Variants in SLC28A1 observed in about 807,000 individuals in gnomAD.
The protein encoded by SLC28A1 is sodium/nucleoside cotransporter 1.
SLC28A1 carries 64 observed loss-of-function variants against 74.8 expected under a neutral mutation model. The ratio of observed to expected loss-of-function variants is 0.86; its 90% confidence interval spans 0.70 to 1.05. SLC28A1 has a LOEUF of 1.05. Among genes scored for constraint, SLC28A1 ranks in the 50% least tolerant of loss-of-function variants. The pLI is 0.00. For missense variants in SLC28A1, 828 were observed against 822.8 expected, an observed-to-expected ratio of 1.01 and a Z score of -0.08; for synonymous variants, 359 against 335.0, an observed-to-expected ratio of 1.07 and a Z score of -0.78.
At chr15:84,953,366 C>T in the SLC28A1 span, among the ~76,000 whole-genome samples, 5 of 152,198 alleles carry the variant, frequency 3.3e-5, no homozygotes, top group African/African-American at 4.8e-5. Context: ...AAGTTCATGT[C>T]AAGAGCTCTC....
Position 84,905,550 on chromosome 15 carries a change from G to C in SLC28A1, c.615G>C (p.Arg205Ser). 1 of 1,612,528 alleles carries C rather than the reference G, an allele frequency of 6.2e-7. No individual in the cohort carries two copies. Among genetic ancestry groups the C allele is most frequent in the Non-Finnish European group, 8.5e-7 (1 of 1,178,504 alleles). ...GGGTGGGGTGGTAGGTGTCCTGGAG[G>C]GCCGTGTCTTGGGGACTTGGACTGC... ...CSKHHCAVSWRAVSWGLGLQF... is the reference protein window; with the variant it reads ...CSKHHCAVSWSAVSWGLGLQF... The change falls in exon 8 of 19, where the codon AGG becomes AGC. Residue 205 changes from arginine to serine, a missense_variant. Around this residue, in one of 3 missense-constraint regions of SLC28A1, gnomAD observed 767 missense variants for 753.5 expected, o/e 1.02. Transcript: ENST00000394573.
downstream of SLC28A1, among the ~76,000 whole-genome samples, chr15:84,946,984 A>G (rs527846704): frequency 6.6e-6 from 1 of 152,234 alleles, no homozygotes; most frequent in South Asian, 2.1e-4. Context: ...GCTGGGGCTG[A>G]CCCTGACCTA....
At chr15:84,938,146 G>C (rs1424406347) in intron 15 of SLC28A1, among the ~76,000 whole-genome samples, 1 of 146,830 alleles carries the variant, frequency 6.8e-6, no homozygotes, top group African/African-American at 2.5e-5. Context: ...GTTGCAGTGA[G>C]CCAAGATTAC....
chr15:84,899,324 C>T (rs1360394980), intron 6 of SLC28A1, among the ~76,000 whole-genome samples: 4 of 151,670 alleles, frequency 2.6e-5, no homozygotes, highest in Non-Finnish European at 5.9e-5. Flanking sequence ...TTGAAGTCTC[C>T]AGAGGAGAAG....
intron 9 of SLC28A1, among the ~76,000 whole-genome samples, chr15:84,911,598 A>G (rs1247667047): frequency 1.3e-5 from 2 of 151,870 alleles, no homozygotes; most frequent in African/African-American, 4.8e-5. Context: ...GTGGTGGCTC[A>G]CGCCTGTAAT....
At chr15:84,919,570 G>A (rs1186097951) in intron 10 of SLC28A1, among the ~76,000 whole-genome samples, 5 of 152,304 alleles carry the variant, frequency 3.3e-5, no homozygotes, top group Admixed American at 1.3e-4. Flanking sequence ...TTCTTGCTGT[G>A]TCATAACATG....
In SLC28A1 at chr15:84,905,558, C is replaced by G. The variant is rs1689253089; in HGVS notation, c.623C>G (p.Ser208Cys). 4 of 1,613,524 alleles carry G rather than the reference C, an allele frequency of 2.5e-6. No individual in the cohort carries two copies. The highest frequency in any genetic ancestry group is 1.3e-5 in the African/African-American group (1 of 74,930). The change falls in exon 8 of 19, where the codon TCT becomes TGT. Residue 208 changes from serine (S) to cysteine (C), a missense_variant. This residue lies in a region of SLC28A1 where 767 missense variants were observed against 753.5 expected (regional missense o/e 1.02). Coordinates refer to ENST00000394573, the MANE Select transcript of SLC28A1 (RefSeq NM_004213.5). ...TGGTAGGTGTCCTGGAGGGCCGTGT[C>G]TTGGGGACTTGGACTGCAGTTTGTA... The part of the protein sequence containing the change: ...HHCAVSWRAV[S>C]WGLGLQFVLG...
chr15:84,966,193 T>G, the SLC28A1 span, among the ~76,000 whole-genome samples: 1 of 152,164 alleles, frequency 6.6e-6, no homozygotes, highest in Non-Finnish European at 1.5e-5. Flanking sequence ...TTCTTCTGCC[T>G]CAGCCTCCTG....
At chr15:84,961,642 AG>A in the SLC28A1 span, 1 of 371,852 alleles carries the variant, frequency 2.7e-6, no homozygotes, top group South Asian at 2.0e-5. Context: ...TGCCTGGCTG[AG>A]AGATAAATCT....
At chr15:84,892,480 G>A (rs886875452) in intron 5 of SLC28A1, among the ~76,000 whole-genome samples, 2 of 152,156 alleles carry the variant, frequency 1.3e-5, no homozygotes, top group Non-Finnish European at 2.9e-5. Flanking sequence ...TTCTCTTGAA[G>A]AACAATTGAA....
At chr15:84,910,749 A>T (rs937220059) in intron 9 of SLC28A1, among the ~76,000 whole-genome samples, 3 of 152,012 alleles carry the variant, frequency 2.0e-5, no homozygotes, top group African/African-American at 7.2e-5. Flanking sequence ...AACAAAACAA[A>T]ACAAAAACAC....
the SLC28A1 span, among the ~76,000 whole-genome samples, chr15:84,956,446 T>C: frequency 0.012 from 1,053 of 84,668 alleles, 6 homozygotes; most frequent in Non-Finnish European, 0.019. Context: ...TTCCTTCCTT[T>C]CTTTCTTTCT....
In SLC28A1 at chr15:84,920,994, C is replaced by T; in HGVS notation, c.882C>T (p.Ala294=). 6.2e-7 allele frequency: 1 copy of T among 1,613,608 alleles called. No individual in the cohort carries two copies. The highest frequency in any genetic ancestry group is 2.2e-5 in the East Asian group (1 of 44,882). ...GLMQWVILKI[A]WLMQVTMGTT... is the part of the protein sequence containing the mutation. ...AACATTCTGCTTCCTTCTAGATTGC[C>T]TGGCTGATGCAAGTCACCATGGGCA... Residue 294 remains alanine (A), a synonymous_variant, in exon 11 of 19, where the codon GCC becomes GCT. Transcript: ENST00000394573.
In SLC28A1 at chr15:84,888,861, G is replaced by T. The variant is rs1472052634; in HGVS notation, c.185+1G>T. 1 of 1,548,072 alleles carries T rather than the reference G, an allele frequency of 6.5e-7. No homozygotes were observed. The highest frequency in any genetic ancestry group is 8.7e-7 in the Non-Finnish European group (1 of 1,143,562). ...CGGCGCCGAAGCCCTTCTCCAGATGGTAGGTGATCTCTGGAGAGACAAGGG... is the reference window on the plus strand; with the variant it reads ...CGGCGCCGAAGCCCTTCTCCAGATGTTAGGTGATCTCTGGAGAGACAAGGG... On this transcript the variant is annotated splice_donor_variant, in intron 4 of 18. Transcript: ENST00000394573. LOFTEE classifies it high-confidence loss of function.
At chr15:84,965,779 C>T in the SLC28A1 span, among the ~76,000 whole-genome samples, 1 of 152,104 alleles carries the variant, frequency 6.6e-6, no homozygotes, top group Non-Finnish European at 1.5e-5. Context: ...GTCACATTCT[C>T]CATCCCTTCC....
At chr15:84,944,986 T>C (rs1387403697) in intron 18 of SLC28A1, 119 bp downstream of exon 18, 2 of 1,064,652 alleles carry the variant, frequency 1.9e-6, no homozygotes, top group Non-Finnish European at 2.9e-6. Flanking sequence ...CTGCAGCTAA[T>C]GGGGAGGTGA....
chr15:84,891,549 G>T lies in SLC28A1; in HGVS notation c.277+1015G>T, dbSNP rs556224910. On this transcript the variant is annotated intron_variant, in intron 5 of 18. Transcript: ENST00000394573. ...TGAATTGAGAAGTGGGTCAAGGACA[G>T]AAGCCTGGAGACCAGCCACACAGAA... Among the ~76,000 whole-genome samples, 4 of 152,330 alleles carry T rather than the reference G, an allele frequency of 2.6e-5. No individual in the cohort carries two copies. The East Asian group carries it at 5.8e-4, about 22-fold the overall frequency.
intron 12 of SLC28A1, among the ~76,000 whole-genome samples, chr15:84,927,471 C>A (rs1024868783): frequency 2.2e-4 from 34 of 152,154 alleles, no homozygotes; most frequent in African/African-American, 7.2e-4. Context: ...ACAGCAAAGC[C>A]TGTCTGTGTA....
chr15:84,888,928 C>G (rs984883754), intron 4 of SLC28A1, 68 bp downstream of exon 4: 19 of 1,151,898 alleles, frequency 1.6e-5, no homozygotes, highest in Non-Finnish European at 2.0e-5. Context: ...GATGGGGAGC[C>G]GGGCCTCCTG....
Sources: gnomAD v4.1 joint callset for allele counts (sites outside exome capture counted in the v4.1 genomes callset) on GRCh38, gnomAD v4.1.1 for gene constraint, gnomAD v4.1.1 regional missense constraint, MANE v1.5 for transcripts, NCBI Gene and HGNC (gene_info 2026-07-23, HGNC 2026-07-21) for gene names.